Variants in BRI3BP observed in about 807,000 individuals in gnomAD.
BRI3BP encodes the protein BRI3-binding protein.
A neutral mutation model predicts 15.8 loss-of-function variants in BRI3BP; 7 were observed. The ratio of observed to expected loss-of-function variants is 0.44; its 90% CI spans 0.25 to 0.83. BRI3BP has a LOEUF of 0.83. BRI3BP is among the 40% of genes least tolerant of loss of function. BRI3BP has a pLI of 0.20. For missense variants in BRI3BP, 320 were observed against 339.3 expected, an observed-to-expected ratio of 0.94 and a Z score of 0.45; for synonymous variants, 192 against 163.5, an observed-to-expected ratio of 1.17 and a Z score of -1.33.
At chr12:125,049,097 G>T in the BRI3BP span, among the ~76,000 whole-genome samples, 1 of 152,102 alleles carries the variant, frequency 6.6e-6, no homozygotes, top group Non-Finnish European at 1.5e-5. Flanking sequence ...GAGTGGCTGG[G>T]ATTACAGGTG....
intron 2 of BRI3BP, among the ~76,000 whole-genome samples, chr12:125,022,683 C>G (rs1005838081): frequency 6.6e-6 from 1 of 151,960 alleles, no homozygotes; most frequent in African/African-American, 2.4e-5. Flanking sequence ...TGCGCCACCA[C>G]GCCCAGCTAA....
At chr12:125,038,482 T>C in the BRI3BP span, among the ~76,000 whole-genome samples, 1 of 151,776 alleles carries the variant, frequency 6.6e-6, no homozygotes, top group East Asian at 2.0e-4. Context: ...AAAAATAAAA[T>C]CTGCCGGGCG....
rs780689308 is a variant in BRI3BP at position 124,993,934 on chromosome 12, C to G, written c.144C>G (p.Arg48=). The change falls in exon 1 of 3, where the codon CGC becomes CGG. Residue 48 remains arginine (R), a synonymous_variant. Transcript: ENST00000341446. Reference sequence around the variant, plus strand: ...GCGCGGAGAAGAACAGCTACCGCCGCACGGTCAACACCTTCTCCCAGAGCG... The same window carrying G: ...GCGCGGAGAAGAACAGCTACCGCCGGACGGTCAACACCTTCTCCCAGAGCG... The part of the protein sequence containing the change: ...RGGAEKNSYR[R]TVNTFSQSVS... 8 of 1,355,426 alleles carry G rather than the reference C, an allele frequency of 5.9e-6. No individual in the cohort carries two copies. Among genetic ancestry groups the G allele is most frequent in the Non-Finnish European group, 7.7e-6 (8 of 1,041,992 alleles). 84.0% of individuals were successfully genotyped at this position (1,355,426 alleles called of 1,614,324 possible).
At position 125,001,047 on chromosome 12, in the gene BRI3BP, AT is replaced by A. The variant is rs781154056; in HGVS notation, c.213+7053del. 3.0e-4 allele frequency among the ~76,000 whole-genome samples: 45 copies of A among 151,322 alleles called. No homozygotes were observed. The East Asian group carries it at 7.6e-3, about 25-fold the overall frequency. On this transcript the variant is annotated intron_variant, in intron 1 of 2. Coordinates refer to ENST00000341446, the MANE Select transcript of BRI3BP (RefSeq NM_080626.6). The stretch of plus-strand genomic sequence containing the variant: ...GGTGGAGGAAGGGACTTAATTATGA[AT>A]TTTTTTTTATTTTTATTTTTTTTTG...
the BRI3BP span, among the ~76,000 whole-genome samples, chr12:125,039,870 G>A: frequency 6.6e-6 from 1 of 152,120 alleles, no homozygotes; most frequent in Admixed American, 6.6e-5. Flanking sequence ...TAGAGGCCAC[G>A]AGATGTGTGC....
chr12:125,016,761 C>A (rs1199582668), intron 2 of BRI3BP, among the ~76,000 whole-genome samples: 8 of 149,862 alleles, frequency 5.3e-5, no homozygotes, highest in Admixed American at 2.0e-4. Context: ...CTCCTGACCT[C>A]GTGATCCGCC....
rs11057987 is a variant in BRI3BP at position 125,013,937 on chromosome 12, G to A, written c.316+1301G>A. Among the ~76,000 whole-genome samples the A allele has an allele frequency of 6.6e-4, 100 of 152,244 alleles. 1 individual carries two copies. The East Asian group carries it at 0.017, about 26-fold the overall frequency. The stretch of plus-strand genomic sequence containing the variant: ...CACTCCTAGTCCAGTCCTGCAGCCT[G>A]TGCTACCCCCAGCCTTACACTCCCC... On this transcript the variant is annotated intron_variant, in intron 2 of 2. Transcript: ENST00000341446.
downstream of BRI3BP, among the ~76,000 whole-genome samples, chr12:125,033,760 T>TTTA (rs1955422765): frequency 6.9e-6 from 1 of 144,490 alleles, no homozygotes; most frequent in African/African-American, 2.6e-5. Context: ...TTTTTTTTTT[T>TTTA]GAAACAGAGT....
At chr12:125,047,395 G>A in the BRI3BP span, among the ~76,000 whole-genome samples, 1 of 151,902 alleles carries the variant, frequency 6.6e-6, no homozygotes, top group Non-Finnish European at 1.5e-5. Context: ...GGATGGTCTC[G>A]ATCTCCTGAC....
downstream of BRI3BP, among the ~76,000 whole-genome samples, chr12:125,032,315 G>A (rs905922175): frequency 7.2e-5 from 11 of 152,084 alleles, no homozygotes; most frequent in Admixed American, 2.0e-4. Flanking sequence ...GCAATTAGCC[G>A]GGCGTGGTGG....
At chr12:125,047,933 G>A in the BRI3BP span, among the ~76,000 whole-genome samples, 2 of 151,378 alleles carry the variant, frequency 1.3e-5, no homozygotes, top group East Asian at 1.9e-4. Context: ...CTGACCTCAG[G>A]TGAACTGCAC....
At chr12:125,045,587 C>T in the BRI3BP span, among the ~76,000 whole-genome samples, 2 of 152,304 alleles carry the variant, frequency 1.3e-5, no homozygotes, top group South Asian at 4.1e-4. Context: ...CCGCCTAGGT[C>T]TCCCAAAGTG....
At chr12:125,037,174 C>T in the BRI3BP span, among the ~76,000 whole-genome samples, 1 of 152,206 alleles carries the variant, frequency 6.6e-6, no homozygotes, top group Non-Finnish European at 1.5e-5. Context: ...ATTCTCCGGC[C>T]TCAGCCTCCT....
At position 125,025,583 on chromosome 12, in the gene BRI3BP, T is replaced by C. The variant is rs948893568; in HGVS notation, c.*153T>C. ...GGGCTATTTCCACCCACCCGGCAGC[T>C]CTTAGGACACATTCCCAGAAGAGCG... On this transcript the variant is annotated 3_prime_UTR_variant, in exon 3 of 3. Coordinates refer to ENST00000341446, the MANE Select transcript of BRI3BP (RefSeq NM_080626.6). 3.8e-5 allele frequency: 28 copies of C among 745,624 alleles called. No individual in the cohort carries two copies. Among genetic ancestry groups the C allele is most frequent in the Middle Eastern group, 3.9e-4 (1 of 2,560 alleles). 46.2% of individuals were successfully genotyped at this position (745,624 alleles called of 1,614,324 possible).
At chr12:125,022,340 T>C (rs1035720100) in intron 2 of BRI3BP, among the ~76,000 whole-genome samples, 12 of 152,028 alleles carry the variant, frequency 7.9e-5, no homozygotes, top group African/African-American at 2.9e-4. Context: ...CTGGAAAAAT[T>C]AGACTTCAGA....
At chr12:124,999,686 C>G (rs1340861073) in intron 1 of BRI3BP, among the ~76,000 whole-genome samples, 2 of 150,002 alleles carry the variant, frequency 1.3e-5, no homozygotes, top group African/African-American at 4.9e-5. Context: ...GGCGCAATTT[C>G]GGCTCACTGC....
Position 125,029,740 on chromosome 12 carries a change from G to A in BRI3BP, c.*4310G>A, listed in dbSNP as rs963680951. 6.6e-6 allele frequency: 1 copy of A among 152,060 alleles called. No homozygotes were observed. Among genetic ancestry groups the A allele is most frequent in the Non-Finnish European group, 1.5e-5 (1 of 68,014 alleles). 9.4% of individuals were successfully genotyped at this position (152,060 alleles called of 1,614,324 possible). A position where few individuals can be genotyped will look rare whatever the true frequency, so the allele number is the denominator to read the frequency against. On this transcript the variant is annotated 3_prime_UTR_variant, in exon 3 of 3. Transcript: ENST00000341446. ...GTGCCTGTGTCTTAATTCACAAAGG[G>A]TAAGTGAATGCCGTTGAAAGGTGTT... is the stretch of plus-strand genomic sequence containing the variant.
chr12:125,014,572 T>C (rs1373720419), intron 2 of BRI3BP, among the ~76,000 whole-genome samples: 1 of 152,128 alleles, frequency 6.6e-6, no homozygotes, highest in Non-Finnish European at 1.5e-5. Flanking sequence ...CAGCAGAGGG[T>C]GCCCACCAAG....
At chr12:125,020,752 T>C (rs560228878) in intron 2 of BRI3BP, among the ~76,000 whole-genome samples, 3 of 152,144 alleles carry the variant, frequency 2.0e-5, no homozygotes, top group African/African-American at 7.2e-5. Context: ...TGGTGGTGCA[T>C]GCTTGTAGTC....
Sources: allele counts gnomAD v4.1 joint callset (sites outside exome capture counted in the v4.1 genomes callset), GRCh38; gene constraint gnomAD v4.1.1; transcripts MANE v1.5; gene names NCBI Gene and HGNC (gene_info 2026-07-23, HGNC 2026-07-21).